The following KCNMA1 variants were observed in gnomAD, a reference collection of about 807,000 sequenced individuals.
KCNMA1 encodes the protein Calcium-activated potassium channel subunit alpha-1.
Under a neutral mutation model 140.0 loss-of-function variants are expected in KCNMA1, and 29 were observed. The ratio of observed to expected loss-of-function variants is 0.21; its 90% CI spans 0.15 to 0.28. The LOEUF is 0.28. Ranked by LOEUF, KCNMA1 falls within the 10% of genes least tolerant of loss-of-function variation. The pLI is 1.00. For missense variants in KCNMA1, 880 were observed against 1,602.2 expected (o/e 0.55, Z 7.70); for synonymous variants, 612 against 611.9 (o/e 1.00, Z 0.00).
rs1047227662 is a variant in KCNMA1 at position 77,088,173 on chromosome 10, C to T, written c.1335-1580G>A. 7.2e-5 allele frequency among the ~76,000 whole-genome samples: 11 copies of T among 152,214 alleles called. No individual in the cohort carries two copies. In the East Asian group the frequency reaches 1.9e-3, roughly 27 times the overall value. ...ACAGGGTTTTGCCACATTGGCCAGG[C>T]TGGTCTTGAACTCCTGGCCTCAAGT... On this transcript the variant is annotated intron_variant, in intron 10 of 27. Coordinates refer to ENST00000286628, the MANE Select transcript of KCNMA1 (RefSeq NM_001161352.2).
chr10:76,886,559 C>G lies in KCNMA1; in HGVS notation c.*707G>C. 1 of 986,126 alleles carries G rather than the reference C, an allele frequency of 1.0e-6. No homozygotes were observed. 61.1% of individuals were successfully genotyped at this position (986,126 alleles called of 1,614,324 possible). A position where few individuals can be genotyped will look rare whatever the true frequency, so the allele number is the denominator to read the frequency against. ...ATACATCCATGATTGGAATACTATT[C>G]TCTCCTCCATATTAAGGTGAGAAAT... On this transcript the variant is annotated 3_prime_UTR_variant, in exon 28 of 28. Coordinates refer to ENST00000286628, the MANE Select transcript of KCNMA1 (RefSeq NM_001161352.2).
chr10:76,981,967 C>T (rs1425954758), intron 19 of KCNMA1, among the ~76,000 whole-genome samples: 1 of 152,066 alleles, frequency 6.6e-6, no homozygotes, highest in African/African-American at 2.4e-5. Context: ...TGATCAGGAG[C>T]CCCGGGGTTC....
intron 3 of KCNMA1, among the ~76,000 whole-genome samples, chr10:77,222,781 G>T (rs1274639293): frequency 6.6e-6 from 1 of 152,148 alleles, no homozygotes; most frequent in Non-Finnish European, 1.5e-5. Flanking sequence ...CCAGAAAAAA[G>T]AACTTTAGCT....
chr10:77,475,298 G>A (rs2098254690), intron 1 of KCNMA1, among the ~76,000 whole-genome samples: 2 of 152,174 alleles, frequency 1.3e-5, no homozygotes, highest in South Asian at 4.1e-4. Flanking sequence ...GCAACTCCCT[G>A]GGCAAGGCAA....
In KCNMA1 at chr10:77,445,365, GACACACACACACACACACACACAC is replaced by G. The variant is rs33995063; in HGVS notation, c.379-41366_379-41343del. Among the ~76,000 whole-genome samples the G allele has an allele frequency of 3.5e-3, 498 of 141,276 alleles. 2 individuals carry two copies. The Middle Eastern group carries it at 0.05, about 14-fold the overall frequency. 92.7% of individuals were successfully genotyped at this position (141,276 alleles called of 152,430 possible). A position where few individuals can be genotyped will look rare whatever the true frequency, so the allele number is the denominator to read the frequency against. On this transcript the variant is annotated intron_variant, in intron 1 of 27. Coordinates refer to ENST00000286628, the MANE Select transcript of KCNMA1 (RefSeq NM_001161352.2). ...TCTCTCTCTCACACGCACATACACA[GACACACACACACACACACACACAC>G]ACACACATATGAAAAATAAAAAAAA...
intron 1 of KCNMA1, among the ~76,000 whole-genome samples, chr10:77,562,403 C>T (rs1326910168): frequency 2.6e-5 from 4 of 152,204 alleles, no homozygotes; most frequent in African/African-American, 7.2e-5. Flanking sequence ...TATACTTCCT[C>T]GCAAGCTGTT....
At chr10:77,048,302 C>T (rs529743160) in intron 14 of KCNMA1, among the ~76,000 whole-genome samples, 1 of 152,150 alleles carries the variant, frequency 6.6e-6, no homozygotes, top group Non-Finnish European at 1.5e-5. Context: ...TCAAACAGCT[C>T]ACAGTCCCCA....
At chr10:77,113,691 T>G (rs1168549623) in intron 6 of KCNMA1, among the ~76,000 whole-genome samples, 3 of 152,148 alleles carry the variant, frequency 2.0e-5, no homozygotes, top group Non-Finnish European at 2.9e-5. Context: ...CTCGAACTCT[T>G]GACCTCAGGT....
intron 19 of KCNMA1, among the ~76,000 whole-genome samples, chr10:76,993,630 G>A (rs745373015): frequency 5.9e-5 from 9 of 152,126 alleles, no homozygotes; most frequent in African/African-American, 1.7e-4. Flanking sequence ...TCTCCTCCCC[G>A]AGAGGGGGGC....
At chr10:77,324,674 C>T (rs1390408065) in intron 2 of KCNMA1, among the ~76,000 whole-genome samples, 2 of 152,156 alleles carry the variant, frequency 1.3e-5, no homozygotes, top group East Asian at 3.9e-4. Flanking sequence ...TAGCTGGGTG[C>T]CACCATGCCC....
chr10:77,497,691 A>C, intron 1 of KCNMA1, among the ~76,000 whole-genome samples: 1 of 152,342 alleles, frequency 6.6e-6, no homozygotes, highest in East Asian at 1.9e-4. Context: ...GAATCTTAGA[A>C]TCTGAGGTTG....
intron 2 of KCNMA1, among the ~76,000 whole-genome samples, chr10:77,403,309 G>C (rs1466283377): frequency 6.6e-6 from 1 of 152,150 alleles, no homozygotes; most frequent in East Asian, 1.9e-4. Context: ...ACACGGGCCA[G>C]GCAGCCTCAG....
Position 77,056,639 on chromosome 10 carries a change from AAACCTTAAAGCAACTACTATTTCCC to A in KCNMA1, c.1749+16433_1749+16457del, listed in dbSNP as rs1391632246. ...CACAGATGTTGGAATAATCTGACAA[AAACCTTAAAGCAACTACTATTTCCC>A]GATAACTAAGAAAGAACACATTTGT... On this transcript the variant is annotated intron_variant, in intron 14 of 27. Coordinates refer to ENST00000286628, the MANE Select transcript of KCNMA1 (RefSeq NM_001161352.2). Among the ~76,000 whole-genome samples, 4 of 152,178 alleles carry A rather than the reference AAACCTTAAAGCAACTACTATTTCCC, an allele frequency of 2.6e-5. No individual in the cohort carries two copies. In the East Asian group the frequency reaches 7.7e-4, roughly 29 times the overall value.
intron 1 of KCNMA1, among the ~76,000 whole-genome samples, chr10:77,517,675 C>T (rs2051079738): frequency 6.6e-6 from 1 of 152,144 alleles, no homozygotes; most frequent in Non-Finnish European, 1.5e-5. Flanking sequence ...CGACTCCTGC[C>T]CATCTTCCTG....
At chr10:77,433,343 G>C (rs2097190832) in intron 1 of KCNMA1, among the ~76,000 whole-genome samples, 1 of 152,090 alleles carries the variant, frequency 6.6e-6, no homozygotes, top group South Asian at 2.1e-4. Flanking sequence ...AGTAGAGACA[G>C]GGTTTCACCA....
intron 18 of KCNMA1, among the ~76,000 whole-genome samples, chr10:77,006,792 T>C (rs780805480): frequency 6.6e-5 from 10 of 152,206 alleles, no homozygotes; most frequent in Non-Finnish European, 1.5e-4. Flanking sequence ...CAATTTAGTA[T>C]GCAGCTCTGC....
intron 3 of KCNMA1, among the ~76,000 whole-genome samples, chr10:77,212,855 G>A (rs1347330996): frequency 2.0e-5 from 3 of 152,094 alleles, no homozygotes; most frequent in Non-Finnish European, 4.4e-5. Context: ...AAAATGACAG[G>A]AAACTTCTAG....
At chr10:76,910,225 G>A (rs765446289) in intron 24 of KCNMA1, 129 bp from the exon 25 acceptor site, 1 of 1,015,226 alleles carries the variant, frequency 9.9e-7, no homozygotes, top group East Asian at 2.7e-5. Flanking sequence ...GGAATAAGCT[G>A]TAGATGGATC....
chr10:77,160,035 G>A (rs1005266693), intron 5 of KCNMA1, among the ~76,000 whole-genome samples: 22 of 152,150 alleles, frequency 1.4e-4, no homozygotes, highest in South Asian at 2.1e-4. Flanking sequence ...GGATGGAGGT[G>A]GATGAATCCC....
Sources: allele counts gnomAD v4.1 joint callset (sites outside exome capture counted in the v4.1 genomes callset), GRCh38; gene constraint gnomAD v4.1.1; transcripts MANE v1.5; gene names NCBI Gene and HGNC (gene_info 2026-07-23, HGNC 2026-07-21).